KCNB2: variants seen among roughly 807,000 people sequenced by gnomAD.
The protein encoded by KCNB2 is delayed rectifier potassium channel protein.
A neutral mutation model predicts 61.5 loss-of-function variants in KCNB2; 15 were observed. The ratio of observed to expected loss-of-function variants is 0.24; its 90% CI spans 0.16 to 0.38. The LOEUF is 0.38. Among genes scored for constraint, KCNB2 ranks in the 10% least tolerant of loss-of-function variants. The pLI is 1.00. For synonymous variants in KCNB2, 457 were observed against 446.0 expected (o/e 1.02, Z -0.31); for missense variants, 828 against 1,125.2 (o/e 0.74, Z 3.78).
intron 2 of KCNB2, among the ~76,000 whole-genome samples, chr8:72,610,404 C>T (rs1292887206): frequency 5.9e-5 from 9 of 152,108 alleles, no homozygotes; most frequent in Admixed American, 5.2e-4. Flanking sequence ...TGAAGATTTT[C>T]CTCATATTTT....
intron 2 of KCNB2, among the ~76,000 whole-genome samples, chr8:72,919,649 A>T (rs561269286): frequency 2.0e-5 from 3 of 152,174 alleles, no homozygotes; most frequent in Admixed American, 6.5e-5. Flanking sequence ...TCACTGACAA[A>T]CTGATTGCAT....
intron 1 of KCNB2, among the ~76,000 whole-genome samples, chr8:72,552,324 C>A (rs1202393501): frequency 6.6e-6 from 1 of 152,122 alleles, no homozygotes; most frequent in Non-Finnish European, 1.5e-5. Flanking sequence ...CAGTGCTTCC[C>A]AATAGAACTT....
intron 2 of KCNB2, among the ~76,000 whole-genome samples, chr8:72,789,982 C>T (rs920005817): frequency 6.6e-6 from 1 of 152,154 alleles, no homozygotes; most frequent in African/African-American, 2.4e-5. Flanking sequence ...GTGAGACTGA[C>T]TCCCAGGTTC....
intron 1 of KCNB2, among the ~76,000 whole-genome samples, chr8:72,553,328 G>T (rs1028130709): frequency 3.9e-5 from 6 of 151,942 alleles, no homozygotes; most frequent in African/African-American, 1.4e-4. Flanking sequence ...TCTTTGCCCT[G>T]CTTTCCACAA....
intron 2 of KCNB2, among the ~76,000 whole-genome samples, chr8:72,916,253 G>T (rs553765611): frequency 6.6e-6 from 1 of 152,256 alleles, no homozygotes; most frequent in South Asian, 2.1e-4. Flanking sequence ...AAAGATTATT[G>T]ATTATAAGGG....
intron 2 of KCNB2, among the ~76,000 whole-genome samples, chr8:72,800,733 A>G (rs148941622): frequency 6.6e-4 from 101 of 152,310 alleles, no homozygotes; most frequent in African/African-American, 2.2e-3. Flanking sequence ...CAAGGAGGCA[A>G]TTGGCTGCCG....
chr8:72,899,783 C>T (rs922858487), intron 2 of KCNB2, among the ~76,000 whole-genome samples: 1 of 152,084 alleles, frequency 6.6e-6, no homozygotes, highest in African/African-American at 2.4e-5. Flanking sequence ...GCCACACTGC[C>T]CAAAGCAGTT....
At chr8:72,556,167 T>C (rs1806422857) in intron 1 of KCNB2, among the ~76,000 whole-genome samples, 1 of 152,160 alleles carries the variant, frequency 6.6e-6, no homozygotes, top group Admixed American at 6.6e-5. Flanking sequence ...AAAATGTTGA[T>C]GGAAATCGAT....
At position 72,674,933 on chromosome 8, in the gene KCNB2, T is replaced by TA. The variant is rs539401494; in HGVS notation, c.579+106627dup. On this transcript the variant is annotated intron_variant, in intron 2 of 2. Transcript: ENST00000523207. The stretch of plus-strand genomic sequence containing the variant: ...TAAAGATTTTTTTCTCGTGTAAAAA[T>TA]AAAAAAAGGTATTATGTAGGTATGA... Among the ~76,000 whole-genome samples the TA allele has an allele frequency of 4.7e-3, 713 of 152,030 alleles. 7 individuals carry two copies. Among genetic ancestry groups the TA allele is most frequent in the African/African-American group, 0.016 (680 of 41,502 alleles).
chr8:72,866,621 AT>A (rs960128577), intron 2 of KCNB2, among the ~76,000 whole-genome samples: 2 of 152,202 alleles, frequency 1.3e-5, no homozygotes, highest in African/African-American at 2.4e-5. Flanking sequence ...CCTTTTGGGA[AT>A]ACACGTTTGT....
chr8:72,843,008 G>T, intron 2 of KCNB2, among the ~76,000 whole-genome samples: 1 of 152,064 alleles, frequency 6.6e-6, no homozygotes, highest in East Asian at 1.9e-4. Flanking sequence ...TGCTTCTCTA[G>T]TTCTTTTAAT....
chr8:72,851,070 C>G (rs1249928417), intron 2 of KCNB2, among the ~76,000 whole-genome samples: 1 of 14,166 alleles, frequency 7.1e-5, no homozygotes, highest in African/African-American at 1.6e-4. Flanking sequence ...TTGATGATCA[C>G]CAAACTTCAT....
chr8:72,813,295 C>G (rs1312243700), intron 2 of KCNB2, among the ~76,000 whole-genome samples: 1 of 152,024 alleles, frequency 6.6e-6, no homozygotes, highest in African/African-American at 2.4e-5. Flanking sequence ...CACAAACCTG[C>G]CTCTGCTGCT....
At chr8:72,819,346 C>A (rs765988293) in intron 2 of KCNB2, among the ~76,000 whole-genome samples, 3 of 152,052 alleles carry the variant, frequency 2.0e-5, no homozygotes, top group Non-Finnish European at 2.9e-5. Context: ...CAGAGGTGAT[C>A]CCCATTCACC....
chr8:72,874,593 G>A (rs965506241), intron 2 of KCNB2, among the ~76,000 whole-genome samples: 1 of 152,224 alleles, frequency 6.6e-6, no homozygotes, highest in Non-Finnish European at 1.5e-5. Context: ...TAGGAAAGGA[G>A]TTGTTCAAAG....
chr8:72,667,880 C>T lies in KCNB2; in HGVS notation c.579+99567C>T, dbSNP rs990579373. Reference sequence around the variant, plus strand: ...AACTCCATAACCTTTAGAACCTTCACGTCAGAGATTCCTCATGATCATGAA... The same window carrying T: ...AACTCCATAACCTTTAGAACCTTCATGTCAGAGATTCCTCATGATCATGAA... On this transcript the variant is annotated intron_variant, in intron 2 of 2. Coordinates refer to ENST00000523207, the MANE Select transcript of KCNB2 (RefSeq NM_004770.3). Among the ~76,000 whole-genome samples the T allele has an allele frequency of 3.9e-5, 6 of 152,332 alleles. No homozygotes were observed. In the South Asian group the frequency reaches 6.2e-4, roughly 16 times the overall value.
At chr8:72,886,440 G>T (rs16938466) in intron 2 of KCNB2, among the ~76,000 whole-genome samples, 11,282 of 152,272 alleles carry the variant, frequency 0.074, 512 homozygotes, top group African/African-American at 0.12. Context: ...ACAGTCCTCT[G>T]GCTCCTAGCC....
chr8:72,767,066 A>G (rs1808471299), intron 2 of KCNB2, among the ~76,000 whole-genome samples: 1 of 152,122 alleles, frequency 6.6e-6, no homozygotes, highest in Admixed American at 6.5e-5. Flanking sequence ...CGAGAATAGC[A>G]TGGGAAAAAC....
At chr8:72,693,170 C>A (rs370603319) in intron 2 of KCNB2, among the ~76,000 whole-genome samples, 11 of 152,024 alleles carry the variant, frequency 7.2e-5, no homozygotes, top group African/African-American at 2.7e-4. Flanking sequence ...TCGTTTGCTG[C>A]GGGCCAGTTT....
Sources: allele counts gnomAD v4.1 joint callset (sites outside exome capture counted in the v4.1 genomes callset), GRCh38; gene constraint gnomAD v4.1.1; transcripts MANE v1.5; gene names NCBI Gene and HGNC (gene_info 2026-07-23, HGNC 2026-07-21).